Variants in ANKRD30BL observed in about 807,000 individuals in gnomAD.
The protein encoded by ANKRD30BL is putative ankyrin repeat domain-containing protein 30B-like.
In ANKRD30BL, 20 loss-of-function variants were observed where a neutral mutation model predicts 18.4. The ratio of observed to expected loss-of-function variants is 1.09; its 90% CI spans 0.77 to 1.58. The LOEUF (loss-of-function observed/expected upper bound fraction) is 1.58. Among genes scored for constraint, ANKRD30BL ranks in the 40% most tolerant of loss-of-function variants. ANKRD30BL has a pLI of 0.00. For missense variants in ANKRD30BL, 224 were observed against 268.6 expected, an observed-to-expected ratio of 0.83 and a Z score of 1.16; for synonymous variants, 72 against 100.9, an observed-to-expected ratio of 0.71 and a Z score of 1.72.
chr2:132,198,903 C>A (rs1474392915), intron 1 of ANKRD30BL, among the ~76,000 whole-genome samples: 1 of 152,192 alleles, frequency 6.6e-6, no homozygotes, highest in Non-Finnish European at 1.5e-5. Context: ...CAGGCATGAG[C>A]CACTGTGCCC....
At chr2:132,241,170 T>C (rs1573882209) in intron 1 of ANKRD30BL, among the ~76,000 whole-genome samples, 1 of 151,812 alleles carries the variant, frequency 6.6e-6, no homozygotes, top group Non-Finnish European at 1.5e-5. Flanking sequence ...AAAAAAGAAA[T>C]ATCTTCCCAT....
chr2:132,163,749 C>G (rs899791016), upstream of ANKRD30BL, among the ~76,000 whole-genome samples: 5 of 152,132 alleles, frequency 3.3e-5, no homozygotes, highest in African/African-American at 4.8e-5. Context: ...AATGGATGCT[C>G]AGCACCACCC....
In ANKRD30BL at chr2:132,240,303, G is replaced by T. The variant is rs1212405516; in HGVS notation, n.441+17226C>A. ...ATATTTGGACAGCATTGAGGATTTC[G>T]TTGAAAAGGGGAATATCTTCGCATA... On this transcript the variant is annotated intron_variant and non_coding_transcript_variant, in intron 1 of 4. Transcript: ENST00000470729. 5.3e-5 allele frequency among the ~76,000 whole-genome samples: 8 copies of T among 151,334 alleles called. No homozygotes were observed. The Admixed American group carries it at 5.3e-4, about 10-fold the overall frequency.
Position 132,181,090 on chromosome 2 carries a change from G to A in ANKRD30BL, n.442-23944C>T, listed in dbSNP as rs183425981. ...ACCTGAGAGGCCGAAGTTGCAGTGAGCCAAGATCCCGCCACTGCACTCCAG... is the reference window on the plus strand; with the variant it reads ...ACCTGAGAGGCCGAAGTTGCAGTGAACCAAGATCCCGCCACTGCACTCCAG... On this transcript the variant is annotated intron_variant and non_coding_transcript_variant, in intron 1 of 4. Transcript: ENST00000470729. 1.6e-3 allele frequency among the ~76,000 whole-genome samples: 247 copies of A among 152,184 alleles called. 1 individual carries two copies. Among genetic ancestry groups the A allele is most frequent in the African/African-American group, 5.2e-3 (214 of 41,508 alleles).
At chr2:132,220,350 G>C (rs1325552772) in intron 1 of ANKRD30BL, among the ~76,000 whole-genome samples, 2,403 of 80,172 alleles carry the variant, frequency 0.03, 228 homozygotes, top group African/African-American at 0.14. Context: ...CCCTCTCCCT[G>C]TCCCTCTCCC....
chr2:132,218,371 T>A (rs1276276601), intron 1 of ANKRD30BL, among the ~76,000 whole-genome samples: 1 of 152,198 alleles, frequency 6.6e-6, no homozygotes, highest in Non-Finnish European at 1.5e-5. Flanking sequence ...ACATACCTTA[T>A]CATAGAGCAG....
intron 1 of ANKRD30BL, among the ~76,000 whole-genome samples, chr2:132,169,171 C>T (rs2104939709): frequency 6.6e-6 from 1 of 152,166 alleles, no homozygotes; most frequent in East Asian, 1.9e-4. Flanking sequence ...TTTTAGATTT[C>T]CTAGGTGACC....
chr2:132,221,340 C>T (rs1215683925), intron 1 of ANKRD30BL, among the ~76,000 whole-genome samples: 7 of 145,532 alleles, frequency 4.8e-5, no homozygotes, highest in East Asian at 2.1e-4. Flanking sequence ...GCCCCCCGCC[C>T]GGCCAGCCGC....
chr2:132,151,221 C>T (rs1425920008), intron 4 of ANKRD30BL, among the ~76,000 whole-genome samples: 1 of 152,100 alleles, frequency 6.6e-6, no homozygotes, highest in Non-Finnish European at 1.5e-5. Flanking sequence ...CTAGAGGTAG[C>T]TTGACATGTG....
At chr2:132,242,333 G>A (rs181661082) in intron 1 of ANKRD30BL, among the ~76,000 whole-genome samples, 1 of 151,736 alleles carries the variant, frequency 6.6e-6, no homozygotes, top group African/African-American at 2.4e-5. Flanking sequence ...TGGATATTTG[G>A]ATAGCTTTGA....
chr2:132,228,988 T>C (rs1342042212), intron 1 of ANKRD30BL, among the ~76,000 whole-genome samples: 2 of 152,108 alleles, frequency 1.3e-5, no homozygotes, highest in Non-Finnish European at 2.9e-5. Context: ...CTTTGTGATG[T>C]GTGCATTCAT....
chr2:132,202,502 G>A (rs1176569341), intron 1 of ANKRD30BL, among the ~76,000 whole-genome samples: 1 of 150,084 alleles, frequency 6.7e-6, no homozygotes, highest in African/African-American at 2.5e-5. Context: ...ATTTTAATCA[G>A]AAATTTCAAA....
At position 132,234,396 on chromosome 2, in the gene ANKRD30BL, G is replaced by A. The variant is rs567108420; in HGVS notation, n.441+23133C>T. Among the ~76,000 whole-genome samples, 4 of 152,078 alleles carry A rather than the reference G, an allele frequency of 2.6e-5. No individual in the cohort carries two copies. In the South Asian group the frequency reaches 6.2e-4, roughly 24 times the overall value. On this transcript the variant is annotated intron_variant and non_coding_transcript_variant, in intron 1 of 4. Transcript: ENST00000470729. ...CCCTTCAAAAAATTAATGAATCCAG[G>A]AGCTGGTTTTTTGAAAGGATCAACA...
intron 1 of ANKRD30BL, among the ~76,000 whole-genome samples, chr2:132,215,101 C>A (rs1309284364): frequency 6.6e-6 from 1 of 151,280 alleles, no homozygotes; most frequent in Non-Finnish European, 1.5e-5. Context: ...TTTCATTGAG[C>A]AGTTTTGAGA....
At chr2:132,212,814 T>C (rs1488141360) in intron 1 of ANKRD30BL, among the ~76,000 whole-genome samples, 1 of 151,802 alleles carries the variant, frequency 6.6e-6, no homozygotes, top group African/African-American at 2.4e-5. Context: ...TGTCCTCACA[T>C]AAAAACTAGA....
At chr2:132,219,399 T>C (rs1679605481) in intron 1 of ANKRD30BL, among the ~76,000 whole-genome samples, 1 of 151,944 alleles carries the variant, frequency 6.6e-6, no homozygotes, top group African/African-American at 2.4e-5. Flanking sequence ...TTTCTTTAGA[T>C]AGAGCAGGTT....
intron 1 of ANKRD30BL, among the ~76,000 whole-genome samples, chr2:132,187,602 C>T (rs950598286): frequency 3.3e-5 from 5 of 152,018 alleles, no homozygotes; most frequent in South Asian, 2.1e-4. Context: ...ATGTGAGCCA[C>T]GCCCCACTCT....
intron 1 of ANKRD30BL, among the ~76,000 whole-genome samples, chr2:132,168,284 T>G (rs1245472401): frequency 6.6e-6 from 1 of 152,240 alleles, no homozygotes; most frequent in Non-Finnish European, 1.5e-5. Flanking sequence ...TTTATATTGC[T>G]TCCCCATTTT....
Position 132,155,830 on chromosome 2 carries a change from CAA to C in ANKRD30BL, c.508-1064_508-1063del, listed in dbSNP as rs890778823. 5.1e-5 allele frequency: 7 copies of C among 138,540 alleles called. No homozygotes were observed. In the Admixed American group the frequency reaches 5.4e-4, roughly 11 times the overall value. 8.6% of individuals were successfully genotyped at this position (138,540 alleles called of 1,614,324 possible). ...AGGAGAATCGCTTGAACCAGGGAGG[CAA>C]AGATTGCAGTGAGCCGAGATCACAC... On this transcript the variant is annotated intron_variant, in intron 3 of 5. Transcript: ENST00000409867.
Sources: allele counts gnomAD v4.1 joint callset (sites outside exome capture counted in the v4.1 genomes callset), GRCh38; gene constraint gnomAD v4.1.1; transcripts MANE v1.5; gene names NCBI Gene and HGNC (gene_info 2026-07-23, HGNC 2026-07-21).